The following SAMD5 variants were observed in gnomAD, a reference collection of about 807,000 sequenced individuals.
SAMD5 encodes the protein sterile alpha motif domain containing 5.
Under a neutral mutation model 11.3 loss-of-function variants are expected in SAMD5, and 13 were observed. That is an observed-to-expected ratio of 1.15 (90% confidence interval 0.75 to 1.83). The LOEUF is 1.83. Among genes scored for constraint, SAMD5 ranks in the 40% most tolerant of loss-of-function variants. SAMD5 has a pLI of 0.00. For synonymous variants in SAMD5, 129 were observed against 111.3 expected (o/e 1.16, Z -1.00); for missense variants, 255 against 239.1 (o/e 1.07, Z -0.44).
chr6:147,672,371 A>C (rs1790807053), intron 1 of SAMD5, among the ~76,000 whole-genome samples: 1 of 152,172 alleles, frequency 6.6e-6, no homozygotes, highest in African/African-American at 2.4e-5. Context: ...ATATTGTGGT[A>C]AATTTTCCAA....
the SAMD5 span, among the ~76,000 whole-genome samples, chr6:147,945,210 C>G: frequency 1.3e-5 from 2 of 152,194 alleles, no homozygotes; most frequent in Non-Finnish European, 2.9e-5. Context: ...TCCCTCTCCT[C>G]TCCCCGTGGC....
intron 1 of SAMD5, among the ~76,000 whole-genome samples, chr6:147,532,304 C>G (rs1209678184): frequency 1.3e-5 from 2 of 151,972 alleles, no homozygotes; most frequent in African/African-American, 4.8e-5. Flanking sequence ...CTTCCCCCAC[C>G]TCCCTGAGTC....
At chr6:147,787,241 C>A in the SAMD5 span, among the ~76,000 whole-genome samples, 1 of 152,074 alleles carries the variant, frequency 6.6e-6, no homozygotes, top group East Asian at 1.9e-4. Context: ...TGGAATTAAG[C>A]CTCGTTAACT....
At chr6:147,741,772 A>G (rs776073617), downstream of SAMD5, 1 of 152,236 alleles carries the variant, frequency 6.6e-6, no homozygotes, top group Non-Finnish European at 1.5e-5. Flanking sequence ...TGTTACCACG[A>G]AACACAATTC....
At chr6:147,866,404 G>A in the SAMD5 span, among the ~76,000 whole-genome samples, 1 of 152,168 alleles carries the variant, frequency 6.6e-6, no homozygotes, top group African/African-American at 2.4e-5. Context: ...CAGGTCAGAT[G>A]CCAAGACTAC....
chr6:147,851,419 G>A, the SAMD5 span, among the ~76,000 whole-genome samples: 3 of 152,236 alleles, frequency 2.0e-5, no homozygotes, highest in East Asian at 5.8e-4. Context: ...CTCAAATAAG[G>A]GGAGACTACG....
chr6:147,834,149 T>C, the SAMD5 span, among the ~76,000 whole-genome samples: 1 of 152,218 alleles, frequency 6.6e-6, no homozygotes, highest in Non-Finnish European at 1.5e-5. Flanking sequence ...GAGTTTAAAA[T>C]AATTTATAAA....
the SAMD5 span, among the ~76,000 whole-genome samples, chr6:147,743,497 T>C: frequency 2.3e-4 from 35 of 150,250 alleles, no homozygotes; most frequent in Non-Finnish European, 4.9e-4. Context: ...AGCGAGACTC[T>C]GTCTCAAAAA....
At chr6:147,792,434 C>A in the SAMD5 span, among the ~76,000 whole-genome samples, 1 of 152,134 alleles carries the variant, frequency 6.6e-6, no homozygotes, top group African/African-American at 2.4e-5. Flanking sequence ...GAAATGCAGA[C>A]ATTGTTTGTG....
the SAMD5 span, among the ~76,000 whole-genome samples, chr6:147,890,361 CTTT>C: frequency 2.8e-5 from 4 of 140,728 alleles, no homozygotes; most frequent in Admixed American, 7.1e-5. Context: ...TTTCAATTAT[CTTT>C]TTTTTTTTTT....
chr6:147,899,960 G>T, the SAMD5 span, among the ~76,000 whole-genome samples: 1 of 152,202 alleles, frequency 6.6e-6, no homozygotes, highest in Non-Finnish European at 1.5e-5. Flanking sequence ...AAGTGAAGGA[G>T]TCCCAGAGAA....
the SAMD5 span, among the ~76,000 whole-genome samples, chr6:147,766,054 A>G: frequency 6.6e-6 from 1 of 151,834 alleles, no homozygotes; most frequent in Non-Finnish European, 1.5e-5. Context: ...TAAAAAAGAA[A>G]CAGAGACCAA....
At chr6:147,921,133 C>T in the SAMD5 span, among the ~76,000 whole-genome samples, 334 of 152,208 alleles carry the variant, frequency 2.2e-3, no homozygotes, top group African/African-American at 7.5e-3. Context: ...AGCCAGTGTC[C>T]TCACGGAACT....
chr6:147,895,823 C>A, the SAMD5 span, among the ~76,000 whole-genome samples: 9 of 152,172 alleles, frequency 5.9e-5, no homozygotes, highest in African/African-American at 1.9e-4. Flanking sequence ...GTAAAGCCTT[C>A]CCCTGTAGAC....
the SAMD5 span, among the ~76,000 whole-genome samples, chr6:147,814,423 A>C: frequency 6.6e-6 from 1 of 152,162 alleles, no homozygotes; most frequent in South Asian, 2.1e-4. Context: ...ATATTTTTTT[A>C]GGCAAAAAAT....
At chr6:147,587,298 C>T (rs1310092601) in intron 1 of SAMD5, among the ~76,000 whole-genome samples, 3 of 152,048 alleles carry the variant, frequency 2.0e-5, no homozygotes, top group African/African-American at 4.8e-5. Context: ...GGTACAGTGA[C>T]GTGATGGCTG....
chr6:147,563,697 T>G (rs1452109688), intron 1 of SAMD5, among the ~76,000 whole-genome samples: 1 of 152,184 alleles, frequency 6.6e-6, no homozygotes, highest in East Asian at 1.9e-4. Context: ...CTATCAGAGC[T>G]TGGAGATAAT....
At chr6:147,554,786 G>C (rs1788828226) in intron 1 of SAMD5, among the ~76,000 whole-genome samples, 1 of 152,176 alleles carries the variant, frequency 6.6e-6, no homozygotes, top group Non-Finnish European at 1.5e-5. Flanking sequence ...TCAGACTGAT[G>C]ACTTGGTTGG....
the SAMD5 span, among the ~76,000 whole-genome samples, chr6:147,866,928 C>T: frequency 2.0e-5 from 3 of 152,044 alleles, no homozygotes; most frequent in African/African-American, 7.2e-5. Flanking sequence ...ATTGTTCATA[C>T]AGAGCTGTTA....
Sources: gnomAD v4.1 joint callset for allele counts (sites outside exome capture counted in the v4.1 genomes callset) on GRCh38, gnomAD v4.1.1 for gene constraint, MANE v1.5 for transcripts, NCBI Gene and HGNC (gene_info 2026-07-23, HGNC 2026-07-21) for gene names.